Variants in ANXA8 observed in about 807,000 individuals in gnomAD.
ANXA8 encodes the protein annexin A8.
Under a neutral mutation model 26.8 loss-of-function variants are expected in ANXA8, and 9 were observed. The ratio of observed to expected loss-of-function variants is 0.34; its 90% CI spans 0.20 to 0.59. ANXA8 has a LOEUF of 0.59. ANXA8 is among the 20% of genes least tolerant of loss of function. The pLI, the probability that ANXA8 is intolerant of heterozygous loss-of-function variation, is 0.84. For synonymous variants in ANXA8, 39 were observed against 94.8 expected (o/e 0.41, Z 3.42); for missense variants, 83 against 238.5 (o/e 0.35, Z 4.29).
the ANXA8 span, among the ~76,000 whole-genome samples, chr10:47,944,059 T>A: frequency 6.8e-6 from 1 of 147,330 alleles, no homozygotes; most frequent in African/African-American, 2.6e-5. Context: ...CAGAATGCCA[T>A]ACACCACGTG....
At chr10:47,478,299 GC>G (rs1223906581) in intron 3 of ANXA8, 5 of 749,004 alleles carry the variant, frequency 6.7e-6, no homozygotes, top group Non-Finnish European at 1.1e-5. Context: ...AGGAAGGCCA[GC>G]CCCCGGCCCG....
the ANXA8 span, among the ~76,000 whole-genome samples, chr10:47,614,455 A>G: frequency 2.8e-3 from 200 of 71,824 alleles, 66 homozygotes; most frequent in African/African-American, 7.9e-3. Flanking sequence ...CCATATAAAG[A>G]TAAGGTTAGA....
chr10:47,489,261 G>A, the ANXA8 span, among the ~76,000 whole-genome samples: 305 of 142,162 alleles, frequency 2.1e-3, 14 homozygotes, highest in African/African-American at 5.4e-3. Flanking sequence ...CTCATGATCC[G>A]CCCTCCTCAG....
chr10:47,982,143 A>G, the ANXA8 span, among the ~76,000 whole-genome samples: 1 of 151,406 alleles, frequency 6.6e-6, no homozygotes, highest in African/African-American at 2.4e-5. Flanking sequence ...AAAAAAGATT[A>G]GCTGGGTGTG....
the ANXA8 span, among the ~76,000 whole-genome samples, chr10:47,968,474 C>T: frequency 1.4e-5 from 2 of 141,278 alleles, no homozygotes; most frequent in African/African-American, 5.0e-5. Context: ...CCATTACAGC[C>T]ATCCCCACTG....
At chr10:47,536,593 C>A in the ANXA8 span, among the ~76,000 whole-genome samples, 1 of 130,634 alleles carries the variant, frequency 7.7e-6, no homozygotes, top group Non-Finnish European at 1.5e-5. Context: ...ACTACCCCCA[C>A]CACCACACAC....
At chr10:47,671,189 C>T in the ANXA8 span, among the ~76,000 whole-genome samples, 1 of 151,844 alleles carries the variant, frequency 6.6e-6, no homozygotes, top group African/African-American at 2.4e-5. Context: ...TTGGGAGGCT[C>T]AGGCGGATGG....
At chr10:47,658,092 G>A in the ANXA8 span, among the ~76,000 whole-genome samples, 10 of 151,986 alleles carry the variant, frequency 6.6e-5, no homozygotes, top group South Asian at 2.1e-4. Flanking sequence ...GTATAGGGCC[G>A]GGTGCCGGTG....
the ANXA8 span, among the ~76,000 whole-genome samples, chr10:47,775,413 C>T: frequency 1.3e-5 from 2 of 150,468 alleles, no homozygotes; most frequent in East Asian, 3.9e-4. Flanking sequence ...ATGGCTAGTA[C>T]AGTTAACTTG....
the ANXA8 span, chr10:47,510,180 G>C: frequency 2.2e-6 from 3 of 1,348,024 alleles, no homozygotes; most frequent in Non-Finnish European, 3.0e-6. Context: ...CGATATTATT[G>C]TCATTGTAAG....
chr10:47,589,587 T>A, the ANXA8 span: 1 of 146,132 alleles, frequency 6.8e-6, no homozygotes, highest in Admixed American at 6.6e-5. Context: ...GGGCTTTCTA[T>A]ATTGGAGACT....
the ANXA8 span, among the ~76,000 whole-genome samples, chr10:47,952,019 T>C: frequency 4.7e-5 from 7 of 150,394 alleles, no homozygotes; most frequent in East Asian, 4.1e-4. Context: ...ATGATCTAGA[T>C]AGATGTTATA....
At chr10:47,486,462 C>T (rs1337483856), upstream of ANXA8, among the ~76,000 whole-genome samples, 3 of 139,386 alleles carry the variant, frequency 2.2e-5, no homozygotes, top group Non-Finnish European at 4.7e-5. Context: ...GAGCCCCTTC[C>T]TGACATGAAA....
chr10:47,724,192 G>C, the ANXA8 span, among the ~76,000 whole-genome samples: 1 of 132,496 alleles, frequency 7.5e-6, no homozygotes, highest in African/African-American at 2.8e-5. Context: ...CTCAATTACT[G>C]TGAAACCAAA....
the ANXA8 span, among the ~76,000 whole-genome samples, chr10:47,733,251 CTTT>C: frequency 1.1e-5 from 1 of 93,364 alleles, no homozygotes; most frequent in South Asian, 3.4e-4. Context: ...TTCTTTCTTT[CTTT>C]CTTTCTTTCT....
the ANXA8 span, among the ~76,000 whole-genome samples, chr10:47,736,928 T>C: frequency 6.6e-6 from 1 of 151,834 alleles, no homozygotes; most frequent in East Asian, 1.9e-4. Flanking sequence ...GTACTGAGAC[T>C]ACAGGTGTGA....
chr10:47,761,101 C>T, the ANXA8 span, among the ~76,000 whole-genome samples: 31 of 78,892 alleles, frequency 3.9e-4, no homozygotes, highest in Admixed American at 1.2e-3. Context: ...CACACACACA[C>T]GCACACACAC....
the ANXA8 span, among the ~76,000 whole-genome samples, chr10:47,952,101 A>G: frequency 3.3e-5 from 5 of 150,884 alleles, no homozygotes; most frequent in Admixed American, 2.6e-4. Context: ...CTCTTAAAAC[A>G]CTGGCGTAGA....
At chr10:47,674,814 C>T in the ANXA8 span, among the ~76,000 whole-genome samples, 1 of 151,672 alleles carries the variant, frequency 6.6e-6, no homozygotes, top group Non-Finnish European at 1.5e-5. Context: ...TTTTATTGTT[C>T]AAGTTGTTCC....
Sources: gnomAD v4.1 joint callset for allele counts (sites outside exome capture counted in the v4.1 genomes callset) on GRCh38, gnomAD v4.1.1 for gene constraint, MANE v1.5 for transcripts, NCBI Gene and HGNC (gene_info 2026-07-23, HGNC 2026-07-21) for gene names.